The following DCAF5 variants were observed in gnomAD, a reference collection of about 807,000 sequenced individuals.
DCAF5 encodes DDB1- and CUL4-associated factor 5.
In DCAF5, 9 loss-of-function variants were observed where a neutral mutation model predicts 80.7. That is an observed-to-expected ratio of 0.11 (90% CI 0.07 to 0.19). The LOEUF (loss-of-function observed/expected upper bound fraction) is 0.19, where lower values mean the gene tolerates loss of function less well. Ranked by LOEUF, DCAF5 falls within the 10% of genes least tolerant of loss-of-function variation. The pLI, the probability that DCAF5 is intolerant of heterozygous loss-of-function variation, is 1.00. For synonymous variants in DCAF5, 433 were observed against 461.9 expected (o/e 0.94, Z 0.80); for missense variants, 842 against 1,205.7 (o/e 0.70, Z 4.47).
chr14:69,111,767 T>G (rs1388722111), intron 5 of DCAF5, among the ~76,000 whole-genome samples: 1 of 152,212 alleles, frequency 6.6e-6, no homozygotes, highest in African/African-American at 2.4e-5. Flanking sequence ...ATCATCTAAA[T>G]GAAATAAATG....
intron 5 of DCAF5, among the ~76,000 whole-genome samples, chr14:69,114,224 G>A (rs1170740686): frequency 6.6e-6 from 1 of 152,164 alleles, no homozygotes; most frequent in Non-Finnish European, 1.5e-5. Context: ...ATGTAGCAAA[G>A]TCCGTACAGA....
At chr14:69,100,693 G>C (rs911406394) in intron 5 of DCAF5, among the ~76,000 whole-genome samples, 6 of 152,128 alleles carry the variant, frequency 3.9e-5, no homozygotes, top group African/African-American at 1.4e-4. Flanking sequence ...TAAGTGATCA[G>C]AATAGAAAAC....
At chr14:69,084,913 G>A (rs547557946) in intron 6 of DCAF5, 5 of 1,403,376 alleles carry the variant, frequency 3.6e-6, no homozygotes, top group African/African-American at 1.4e-5. Flanking sequence ...AATATTCATC[G>A]TGTGGGTAGA....
intron 1 of DCAF5, among the ~76,000 whole-genome samples, chr14:69,139,513 GAA>G (rs2041295604): frequency 6.6e-6 from 1 of 151,564 alleles, no homozygotes; most frequent in East Asian, 1.9e-4. Flanking sequence ...AGAAAGAAAA[GAA>G]AAAAAGAGAA....
intron 1 of DCAF5, among the ~76,000 whole-genome samples, chr14:69,128,167 G>T (rs1318598647): frequency 1.3e-5 from 2 of 151,278 alleles, no homozygotes; most frequent in African/African-American, 4.9e-5. Context: ...CTACTTTTGT[G>T]TATGCTTGAA....
intron 7 of DCAF5, among the ~76,000 whole-genome samples, chr14:69,065,286 G>A (rs960280643): frequency 1.4e-4 from 21 of 151,898 alleles, no homozygotes; most frequent in Admixed American, 1.2e-3. Flanking sequence ...CAGTAGAGAC[G>A]GGGTTTCACC....
rs1236286062 is a variant in DCAF5, at chr14:69,091,734, A to G, written c.819T>C (p.Asn273=). 1 of 1,614,196 alleles carries G rather than the reference A, an allele frequency of 6.2e-7. No homozygotes were observed. Among genetic ancestry groups the G allele is most frequent in the South Asian group, 1.1e-5 (1 of 91,082 alleles). The part of the protein sequence containing the change: ...HSRLPVFQFD[N]QGYFNSCTMK... Reference sequence around the variant, plus strand: ...TGGTGCATGAGTTGAAGTAACCCTGATTGTCAAACTGAAACACAGGCAGGC... The same window carrying G: ...TGGTGCATGAGTTGAAGTAACCCTGGTTGTCAAACTGAAACACAGGCAGGC... The change falls in exon 6 of 9, where the codon AAT becomes AAC. Residue 273 remains asparagine, a synonymous_variant. Transcript: ENST00000341516.
chr14:69,081,078 AAAAAT>A (rs2039082469), intron 6 of DCAF5, among the ~76,000 whole-genome samples: 1 of 152,146 alleles, frequency 6.6e-6, no homozygotes, highest in Non-Finnish European at 1.5e-5. Context: ...GAATATAAGA[AAAAAT>A]AAAAAACAAA....
At chr14:69,060,207 C>A (rs963055410) in intron 8 of DCAF5, among the ~76,000 whole-genome samples, 1 of 152,138 alleles carries the variant, frequency 6.6e-6, no homozygotes, top group African/African-American at 2.4e-5. Flanking sequence ...GACTGCCCTA[C>A]TGAAAGGATA....
intron 8 of DCAF5, among the ~76,000 whole-genome samples, chr14:69,056,824 C>T (rs972936019): frequency 6.6e-6 from 1 of 151,942 alleles, no homozygotes; most frequent in Admixed American, 6.5e-5. Flanking sequence ...TGCAGAGGAC[C>T]CCCCATTTCC....
chr14:69,109,015 T>G (rs1236310558), intron 5 of DCAF5, among the ~76,000 whole-genome samples: 3 of 152,094 alleles, frequency 2.0e-5, no homozygotes, highest in Non-Finnish European at 4.4e-5. Context: ...AAGACAACAG[T>G]GGCCTTGGAT....
intron 5 of DCAF5, among the ~76,000 whole-genome samples, chr14:69,099,484 A>G (rs1312498578): frequency 6.6e-6 from 1 of 151,842 alleles, no homozygotes; most frequent in Non-Finnish European, 1.5e-5. Flanking sequence ...TCTGTGGTCC[A>G]CAGTGATTTA....
At chr14:69,123,304 C>A (rs773920272) in intron 1 of DCAF5, among the ~76,000 whole-genome samples, 2 of 152,222 alleles carry the variant, frequency 1.3e-5, no homozygotes, top group African/African-American at 4.8e-5. Context: ...CAGTTTTGTT[C>A]ACTGGGAAAT....
intron 7 of DCAF5, among the ~76,000 whole-genome samples, chr14:69,068,100 A>G (rs1208956476): frequency 6.6e-6 from 1 of 152,112 alleles, no homozygotes; most frequent in African/African-American, 2.4e-5. Flanking sequence ...TATCTTTTTT[A>G]TGGGCCTCAG....
Position 69,152,567 on chromosome 14 carries a change from C to CT in DCAF5, c.214+197dup. ...TAAGGAGCTGTCAACCATTTTAGGT[C>CT]TTTTTTATAGAAGACATCCTCTCCT... is the stretch of plus-strand genomic sequence containing the variant. On this transcript the variant is annotated intron_variant, in intron 1 of 8. Coordinates refer to ENST00000341516, the MANE Select transcript of DCAF5 (RefSeq NM_003861.3). The surrounding 1 kb of genome is among the most constrained non-coding windows in gnomAD (Gnocchi z 4.1). 1.7e-6 allele frequency: 1 copy of CT among 586,648 alleles called. No homozygotes were observed. The highest frequency in any genetic ancestry group is 3.0e-6 in the Non-Finnish European group (1 of 329,894). 36.3% of individuals were successfully genotyped at this position (586,648 alleles called of 1,614,324 possible).
At chr14:69,120,782 T>C (rs1446953579) in intron 2 of DCAF5, among the ~76,000 whole-genome samples, 1 of 152,160 alleles carries the variant, frequency 6.6e-6, no homozygotes, top group African/African-American at 2.4e-5. Context: ...GTCTTGGGTA[T>C]ATAAAAAGAA....
At chr14:69,062,562 A>G (rs750019238) in intron 7 of DCAF5, 51 bp from the exon 8 acceptor site, 6 of 1,602,252 alleles carry the variant, frequency 3.7e-6, no homozygotes, top group Non-Finnish European at 5.1e-6. Flanking sequence ...AATGAAAGTA[A>G]ATAGGTTCCA....
chr14:69,055,841 A>T lies in DCAF5; in HGVS notation c.1075-230T>A, dbSNP rs558705714. Among the ~76,000 whole-genome samples the T allele has an allele frequency of 6.6e-6, 1 of 152,182 alleles. No individual in the cohort carries two copies. Among genetic ancestry groups the T allele is most frequent in the Non-Finnish European group, 1.5e-5 (1 of 68,026 alleles). On this transcript the variant is annotated intron_variant, in intron 8 of 8. Transcript: ENST00000341516. The surrounding 1 kb of genome is among the most constrained non-coding windows in gnomAD (Gnocchi z 5.6). ...TGGGGAAATGCATGGTCTAGAACAC[A>T]GTATTAGCCTAGTGTCAAGAGACCT...
chr14:69,065,372 G>A (rs2038399656), intron 7 of DCAF5, among the ~76,000 whole-genome samples: 1 of 152,184 alleles, frequency 6.6e-6, no homozygotes, highest in South Asian at 2.1e-4. Context: ...TGGGATTACA[G>A]GCGTGAGCCA....
Sources: allele counts gnomAD v4.1 joint callset (sites outside exome capture counted in the v4.1 genomes callset), GRCh38; gene constraint gnomAD v4.1.1; non-coding constraint Gnocchi (gnomAD v3.1); transcripts MANE v1.5; gene names NCBI Gene and HGNC (gene_info 2026-07-23, HGNC 2026-07-21).